CABLES1: variants seen among roughly 807,000 people sequenced by gnomAD.
CABLES1 encodes CDK5 and ABL1 enzyme substrate 1.
In CABLES1, 36 loss-of-function variants were observed where a neutral mutation model predicts 57.8. The observed-to-expected ratio is 0.62, with a 90% CI of 0.48 to 0.82. CABLES1 has a LOEUF of 0.82. Ranked by LOEUF, CABLES1 falls within the 40% of genes least tolerant of loss-of-function variation. CABLES1 has a pLI of 0.00. For missense variants in CABLES1, 767 were observed against 836.6 expected (o/e 0.92, Z 1.03); for synonymous variants, 374 against 363.0 (o/e 1.03, Z -0.35).
In CABLES1 at chr18:23,256,859, A is replaced by C. The variant is rs572408227; in HGVS notation, c.1762-368A>C. 2.6e-5 allele frequency among the ~76,000 whole-genome samples: 4 copies of C among 152,172 alleles called. No homozygotes were observed. The East Asian group carries it at 7.7e-4, about 29-fold the overall frequency. On this transcript the variant is annotated intron_variant, in intron 9 of 9. Transcript: ENST00000256925. ...AGAGTTTGAGTCCCAGTTAGGGTGGACTCTTAGTGCTGCAATTGGCTACAC... is the reference window on the plus strand; with the variant it reads ...AGAGTTTGAGTCCCAGTTAGGGTGGCCTCTTAGTGCTGCAATTGGCTACAC...
intron 1 of CABLES1, among the ~76,000 whole-genome samples, chr18:23,140,438 CTTTT>C (rs11358415): frequency 2.2e-5 from 3 of 138,314 alleles, no homozygotes; most frequent in African/African-American, 2.7e-5. Context: ...CGTTTTCTTT[CTTTT>C]TTTTTTTTTT....
rs1254604514 is a variant in CABLES1 at position 23,136,300 on chromosome 18, T to G, written c.538T>G (p.Trp180Gly). Residue 180 changes from tryptophan (W) to glycine (G), a missense_variant, in exon 1 of 10, where the codon TGG becomes GGG. By Grantham distance (184) the Trp-to-Gly change is radical. Coordinates refer to ENST00000256925, the MANE Select transcript of CABLES1 (RefSeq NM_001100619.3). ...LGAGRASGEQ[W>G]QPPRPAPLAA... ...CGCCGGCCGGGCGTCGGGGGAGCAG[T>G]GGCAGCCGCCCCGGCCGGCGCCTCT... 1.4e-6 allele frequency: 2 copies of G among 1,391,340 alleles called. No individual in the cohort carries two copies. Among genetic ancestry groups the G allele is most frequent in the Non-Finnish European group, 1.9e-6 (2 of 1,079,246 alleles). The allele number at this position is 1,391,340 out of a possible 1,614,324, so 86.2% of individuals were successfully genotyped here.
chr18:23,245,091 C>T (rs1386034372), intron 7 of CABLES1, among the ~76,000 whole-genome samples: 1 of 152,322 alleles, frequency 6.6e-6, no homozygotes, highest in Middle Eastern at 3.4e-3. Flanking sequence ...CGTTATACCC[C>T]AGCCCACCTG....
Position 23,167,549 on chromosome 18 carries a change from T to C in CABLES1, c.846-21289T>C, listed in dbSNP as rs192238518. 6.0e-4 allele frequency among the ~76,000 whole-genome samples: 92 copies of C among 152,242 alleles called. 1 individual carries two copies. The highest frequency in any genetic ancestry group is 4.4e-3 in the East Asian group (23 of 5,180). On this transcript the variant is annotated intron_variant, in intron 1 of 9. Coordinates refer to ENST00000256925, the MANE Select transcript of CABLES1 (RefSeq NM_001100619.3). ...ATTAGGTGCTAATTATTTTGGGGGATTGGGGGGAGTACCTTGTGCTTTGGT... is the reference window on the plus strand; with the variant it reads ...ATTAGGTGCTAATTATTTTGGGGGACTGGGGGGAGTACCTTGTGCTTTGGT...
At chr18:23,223,655 T>C (rs958189980) in intron 4 of CABLES1, among the ~76,000 whole-genome samples, 5 of 150,628 alleles carry the variant, frequency 3.3e-5, no homozygotes, top group Non-Finnish European at 7.4e-5. Flanking sequence ...GGATGCTCTA[T>C]CCTGTCCCTG....
intron 1 of CABLES1, among the ~76,000 whole-genome samples, chr18:23,172,867 TC>T (rs771555267): frequency 1.3e-4 from 20 of 152,174 alleles, no homozygotes; most frequent in Non-Finnish European, 2.4e-4. Flanking sequence ...AAATTAAACT[TC>T]CTCTGCTAAG....
rs773576703 is a variant in CABLES1 at position 23,236,044 on chromosome 18, C to G, written c.1335C>G (p.Leu445=). Residue 445 remains leucine (L), a synonymous_variant, in exon 6 of 10, where the codon CTC becomes CTG. Transcript: ENST00000256925. ...GGGCAAGCGGCACCCAGGGGAGCCT[C>G]GACACAGGTAACCTTGGCCTGGCTG... ...IGRASGTQGS[L]DTGSDLGDFM... is the part of the protein sequence containing the mutation. The G allele has an allele frequency of 3.1e-6, 5 of 1,613,902 alleles. No homozygotes were observed. The highest frequency in any genetic ancestry group is 1.7e-5 in the Admixed American group (1 of 60,000).
intron 1 of CABLES1, among the ~76,000 whole-genome samples, chr18:23,140,634 C>T (rs1324284339): frequency 6.6e-6 from 1 of 152,106 alleles, no homozygotes; most frequent in Non-Finnish European, 1.5e-5. Flanking sequence ...GATGAGGGTT[C>T]GCCATGTTGG....
Position 23,160,252 on chromosome 18 carries a change from TG to T in CABLES1, c.845+23647del, listed in dbSNP as rs2046994408. ...TGGGGTTTCACTATGTTGGCCAGGC[TG>T]GTCTCAAACTCCTGATCTGCCCACC... is the stretch of plus-strand genomic sequence containing the variant. On this transcript the variant is annotated intron_variant, in intron 1 of 9. Transcript: ENST00000256925. Among the ~76,000 whole-genome samples, 3 of 152,072 alleles carry T rather than the reference TG, an allele frequency of 2.0e-5. No individual in the cohort carries two copies. In the East Asian group the frequency reaches 5.8e-4, roughly 29 times the overall value.
chr18:23,246,526 G>C (rs556150090), intron 7 of CABLES1, among the ~76,000 whole-genome samples: 66 of 151,912 alleles, frequency 4.3e-4, no homozygotes, highest in African/African-American at 1.4e-3. Context: ...CAAGTAGCTG[G>C]GACTACAGGC....
intron 1 of CABLES1, among the ~76,000 whole-genome samples, chr18:23,143,264 G>T (rs902223404): frequency 2.6e-5 from 4 of 152,182 alleles, no homozygotes; most frequent in South Asian, 2.1e-4. Context: ...ATTAACTCCC[G>T]CCCTCTGCCT....
At chr18:23,241,383 T>C (rs537119981) in intron 7 of CABLES1, among the ~76,000 whole-genome samples, 14 of 152,022 alleles carry the variant, frequency 9.2e-5, no homozygotes, top group Non-Finnish European at 2.1e-4. Flanking sequence ...ATACAAAAAT[T>C]AGCTGGGCAT....
intron 4 of CABLES1, among the ~76,000 whole-genome samples, chr18:23,224,368 G>T (rs1019013260): frequency 6.6e-6 from 1 of 152,002 alleles, no homozygotes; most frequent in African/African-American, 2.4e-5. Flanking sequence ...GCTTGGGAAC[G>T]AGCTGGCAGG....
chr18:23,214,107 C>A, intron 4 of CABLES1, 53 bp downstream of exon 4: 1 of 1,263,376 alleles, frequency 7.9e-7, no homozygotes, highest in Non-Finnish European at 1.1e-6. Flanking sequence ...GATCTCACAC[C>A]AATGTACATA....
intron 1 of CABLES1, among the ~76,000 whole-genome samples, chr18:23,182,890 G>A (rs527590965): frequency 3.2e-4 from 48 of 152,312 alleles, no homozygotes; most frequent in African/African-American, 1.1e-3. Context: ...GCGCTCACCT[G>A]TCTCTCAGCG....
At chr18:23,161,820 G>T (rs2047007249) in intron 1 of CABLES1, among the ~76,000 whole-genome samples, 1 of 151,356 alleles carries the variant, frequency 6.6e-6, no homozygotes, top group Non-Finnish European at 1.5e-5. Flanking sequence ...TACTCAGGAG[G>T]CTGCGGCAAG....
At chr18:23,208,237 C>T (rs1228313398) in intron 3 of CABLES1, among the ~76,000 whole-genome samples, 1 of 152,328 alleles carries the variant, frequency 6.6e-6, no homozygotes, top group East Asian at 1.9e-4. Context: ...GTTCTTGGAG[C>T]CCCTACCAAT....
intron 1 of CABLES1, among the ~76,000 whole-genome samples, chr18:23,147,176 A>G (rs2144955887): frequency 6.6e-6 from 1 of 152,338 alleles, no homozygotes; most frequent in South Asian, 2.1e-4. Context: ...ATAGCTTGGT[A>G]TCAGTTCCTC....
At position 23,191,906 on chromosome 18, in the gene CABLES1, TAAAAAAAA is replaced by T. The variant is rs147984743; in HGVS notation, c.918-2514_918-2507del. 6.3e-3 allele frequency among the ~76,000 whole-genome samples: 523 copies of T among 82,494 alleles called. 3 individuals carry two copies. Among genetic ancestry groups the T allele is most frequent in the East Asian group, 0.017 (28 of 1,646 alleles). The allele number at this position is 82,494 out of a possible 152,430, so 54.1% of individuals were successfully genotyped here. A position where few individuals can be genotyped will look rare whatever the true frequency, so the allele number is the denominator to read the frequency against. ...TTCCCTGGTGATTTGGTTGAATGCT[TAAAAAAAA>T]AAAAAAAAAAAAAAAAAAAAAAAAA... On this transcript the variant is annotated intron_variant, in intron 2 of 9. Coordinates refer to ENST00000256925, the MANE Select transcript of CABLES1 (RefSeq NM_001100619.3).
Sources: allele counts gnomAD v4.1 joint callset (sites outside exome capture counted in the v4.1 genomes callset), GRCh38; gene constraint gnomAD v4.1.1; transcripts MANE v1.5; gene names NCBI Gene and HGNC (gene_info 2026-07-23, HGNC 2026-07-21).